NUDT3: variants seen among roughly 807,000 people sequenced by gnomAD.
NUDT3 encodes nudix hydrolase 3.
Under a neutral mutation model 23.6 loss-of-function variants are expected in NUDT3, and 9 were observed. The ratio of observed to expected loss-of-function variants is 0.38; its 90% CI spans 0.23 to 0.66. The LOEUF is 0.66. NUDT3 is among the 30% of genes least tolerant of loss of function. The pLI is 0.52. For synonymous variants in NUDT3, 86 were observed against 82.6 expected (o/e 1.04, Z -0.22); for missense variants, 172 against 218.5 (o/e 0.79, Z 1.34).
At chr6:34,369,788 G>A (rs758156605) in intron 1 of NUDT3, among the ~76,000 whole-genome samples, 1 of 151,808 alleles carries the variant, frequency 6.6e-6, no homozygotes, top group East Asian at 2.0e-4. Context: ...CAGATGCCTG[G>A]AGGGTCTTCT....
chr6:34,391,696 TA>T (rs1322592981), intron 1 of NUDT3, among the ~76,000 whole-genome samples: 1 of 152,062 alleles, frequency 6.6e-6, no homozygotes, highest in Non-Finnish European at 1.5e-5. Context: ...CACTGTAAAA[TA>T]AACAGCTGGC....
chr6:34,298,090 G>A (rs560595843), intron 2 of NUDT3, among the ~76,000 whole-genome samples: 13 of 152,082 alleles, frequency 8.5e-5, no homozygotes, highest in East Asian at 1.9e-4. Flanking sequence ...GGCTGGGCAC[G>A]GTGGCTCAAG....
chr6:34,380,150 C>A (rs1029779509), intron 1 of NUDT3, among the ~76,000 whole-genome samples: 2 of 152,110 alleles, frequency 1.3e-5, no homozygotes, highest in East Asian at 3.8e-4. Flanking sequence ...ACAGCGCGAT[C>A]TCGGCTCACT....
At position 34,282,121 on chromosome 6, in the gene NUDT3, C is replaced by G. The variant is rs1763286902; in HGVS notation, c.*6632G>C. The stretch of plus-strand genomic sequence containing the variant: ...CTGTTATGCTGCAGGAACTGAGTAA[C>G]CAAAGCTAGATATCCCTTGGACCAC... On this transcript the variant is annotated 3_prime_UTR_variant, in exon 5 of 5. Transcript: ENST00000607016. The G allele has an allele frequency of 6.6e-6, 1 of 152,154 alleles. No homozygotes were observed. Among genetic ancestry groups the G allele is most frequent in the Non-Finnish European group, 1.5e-5 (1 of 68,034 alleles). 9.4% of individuals were successfully genotyped at this position (152,154 alleles called of 1,614,324 possible).
chr6:34,346,877 T>C (rs532189644), intron 1 of NUDT3, among the ~76,000 whole-genome samples: 7 of 152,312 alleles, frequency 4.6e-5, no homozygotes, highest in Admixed American at 3.9e-4. Flanking sequence ...AGCTTCAGCC[T>C]CCCGAGTAGC....
intron 4 of NUDT3, among the ~76,000 whole-genome samples, chr6:34,291,539 G>A (rs951549778): frequency 6.6e-6 from 1 of 151,698 alleles, no homozygotes; most frequent in Non-Finnish European, 1.5e-5. Context: ...AGTCTTATCT[G>A]TTGCCCAGGC....
intron 1 of NUDT3, among the ~76,000 whole-genome samples, chr6:34,343,072 A>G (rs1178465877): frequency 6.6e-6 from 1 of 152,190 alleles, no homozygotes; most frequent in Non-Finnish European, 1.5e-5. Context: ...TGGGAAGGAA[A>G]TCCATGAATC....
intron 1 of NUDT3, among the ~76,000 whole-genome samples, chr6:34,372,957 T>C (rs187781194): frequency 2.6e-5 from 4 of 151,664 alleles, no homozygotes; most frequent in East Asian, 4.0e-4. Flanking sequence ...CAGGCTTTAA[T>C]ATATATACAT....
intron 1 of NUDT3, among the ~76,000 whole-genome samples, chr6:34,383,624 T>C (rs1264080843): frequency 5.9e-5 from 9 of 152,268 alleles, no homozygotes; most frequent in Middle Eastern, 3.4e-3. Context: ...CAAGGGCCCT[T>C]CCTTTCTGTA....
rs1159840805 is a variant in NUDT3 at position 34,297,726 on chromosome 6, AAAAAATATAT to A, written c.211-2051_211-2042del. The stretch of plus-strand genomic sequence containing the variant: ...ACTACACCCGGCTAATGTAAAAAAA[AAAAAATATAT>A]ATATATATATATATATATATATAAT... On this transcript the variant is annotated intron_variant, in intron 2 of 4. Coordinates refer to ENST00000607016, the MANE Select transcript of NUDT3 (RefSeq NM_006703.4). Among the ~76,000 whole-genome samples, 5 of 42,462 alleles carry A rather than the reference AAAAAATATAT, an allele frequency of 1.2e-4. 1 individual carries two copies. The highest frequency in any genetic ancestry group is 7.6e-4 in the African/African-American group (5 of 6,550). 27.9% of individuals were successfully genotyped at this position (42,462 alleles called of 152,430 possible).
chr6:34,359,927 T>C (rs535127968), intron 1 of NUDT3, among the ~76,000 whole-genome samples: 8 of 135,858 alleles, frequency 5.9e-5, no homozygotes, highest in South Asian at 4.4e-4. Context: ...CTAACACTTG[T>C]TATTTTCCAC....
intron 2 of NUDT3, among the ~76,000 whole-genome samples, chr6:34,311,675 T>C (rs73403917): frequency 1.3e-4 from 20 of 152,138 alleles, no homozygotes; most frequent in African/African-American, 4.3e-4. Context: ...CAAGACTTAC[T>C]ATAATGCTAC....
At chr6:34,359,246 G>A (rs894647933) in intron 1 of NUDT3, among the ~76,000 whole-genome samples, 15 of 152,092 alleles carry the variant, frequency 9.9e-5, no homozygotes, top group East Asian at 1.9e-4. Flanking sequence ...GGTGGCGGGC[G>A]CCTGTAGTCC....
intron 2 of NUDT3, among the ~76,000 whole-genome samples, chr6:34,341,110 G>C (rs995158047): frequency 6.6e-6 from 1 of 152,152 alleles, no homozygotes; most frequent in Non-Finnish European, 1.5e-5. Flanking sequence ...GGGCGATAAA[G>C]CTTACACAAC....
rs549302559 is a variant in NUDT3 at position 34,388,413 on chromosome 6, C to A, written c.99+3851G>T. Among the ~76,000 whole-genome samples, 5 of 152,198 alleles carry A rather than the reference C, an allele frequency of 3.3e-5. No individual in the cohort carries two copies. In the South Asian group the frequency reaches 1.0e-3, roughly 32 times the overall value. ...TGCTAATAATATTCTGTAAACTATT[C>A]TATCTTGATTAAGGCCATTAGTGCC... On this transcript the variant is annotated intron_variant, in intron 1 of 4. Coordinates refer to ENST00000607016, the MANE Select transcript of NUDT3 (RefSeq NM_006703.4).
At chr6:34,391,453 GA>G (rs959617900) in intron 1 of NUDT3, among the ~76,000 whole-genome samples, 1 of 152,046 alleles carries the variant, frequency 6.6e-6, no homozygotes, top group African/African-American at 2.4e-5. Flanking sequence ...GGGAAGCCGA[GA>G]TTTTTTTTTA....
At chr6:34,344,596 G>GA (rs879527175) in intron 1 of NUDT3, among the ~76,000 whole-genome samples, 2 of 152,148 alleles carry the variant, frequency 1.3e-5, no homozygotes, top group African/African-American at 2.4e-5. Flanking sequence ...TTTATTTGGG[G>GA]AAAATGAAAG....
chr6:34,320,189 C>T (rs993618075), intron 2 of NUDT3, among the ~76,000 whole-genome samples: 3 of 151,972 alleles, frequency 2.0e-5, no homozygotes, highest in Non-Finnish European at 4.4e-5. Context: ...TTACTAGTGG[C>T]GAGTATGAAA....
intron 2 of NUDT3, among the ~76,000 whole-genome samples, chr6:34,310,501 C>A (rs1763754465): frequency 6.6e-6 from 1 of 152,118 alleles, no homozygotes. Context: ...TGCACTCCAG[C>A]CTGGGCAACA....
Sources: gnomAD v4.1 joint callset for allele counts (sites outside exome capture counted in the v4.1 genomes callset) on GRCh38, gnomAD v4.1.1 for gene constraint, MANE v1.5 for transcripts, NCBI Gene and HGNC (gene_info 2026-07-23, HGNC 2026-07-21) for gene names.